The following MICU1 variants were observed in gnomAD, a reference collection of about 807,000 sequenced individuals.
The protein encoded by MICU1 is calcium uptake protein 1, mitochondrial.
Under a neutral mutation model 56.8 loss-of-function variants are expected in MICU1, and 45 were observed. That is an observed-to-expected ratio of 0.79 (90% confidence interval 0.62 to 1.02). The LOEUF (loss-of-function observed/expected upper bound fraction) is 1.02. Among genes scored for constraint, MICU1 ranks in the 50% least tolerant of loss-of-function variants. MICU1 has a pLI of 0.00. For missense variants in MICU1, 504 were observed against 587.1 expected, an observed-to-expected ratio of 0.86 and a Z score of 1.46; for synonymous variants, 186 against 195.1, an observed-to-expected ratio of 0.95 and a Z score of 0.39.
Position 72,569,206 on chromosome 10 carries a change from C to CATAT in MICU1, c.-1-2416_-1-2413dup, listed in dbSNP as rs1211580394. ...ATACATTTCTAAAATCATATATATGCATATATATATATATATATATATATA... is the reference window on the plus strand; with the variant it reads ...ATACATTTCTAAAATCATATATATGCATATATATATATATATATATATATATATA... On this transcript the variant is annotated intron_variant, in intron 1 of 11. Transcript: ENST00000361114. 1.7e-3 allele frequency among the ~76,000 whole-genome samples: 118 copies of CATAT among 68,026 alleles called. 4 individuals are homozygous for CATAT. The highest frequency in any genetic ancestry group is 0.015 in the East Asian group (39 of 2,522). 44.6% of individuals were successfully genotyped at this position (68,026 alleles called of 152,430 possible). A position where few individuals can be genotyped will look rare whatever the true frequency, so the allele number is the denominator to read the frequency against.
chr10:72,390,765 G>A (rs995821016), intron 10 of MICU1, among the ~76,000 whole-genome samples: 1 of 148,438 alleles, frequency 6.7e-6, no homozygotes, highest in African/African-American at 2.4e-5. Context: ...CCAACCACTG[G>A]TATAAATTAG....
intron 8 of MICU1, among the ~76,000 whole-genome samples, chr10:72,452,981 G>A (rs925513145): frequency 5.3e-5 from 8 of 152,138 alleles, no homozygotes. Context: ...CTGGAAGGAT[G>A]TGTGTCCCAT....
chr10:72,569,237 A>ATATATATTTT, intron 1 of MICU1, among the ~76,000 whole-genome samples: 14 of 34,374 alleles, frequency 4.1e-4, no homozygotes, highest in Non-Finnish European at 6.6e-4. Context: ...ATATATATAT[A>ATATATATTTT]TTTTTTTTTT....
intron 5 of MICU1, among the ~76,000 whole-genome samples, chr10:72,515,174 T>C (rs1362864183): frequency 6.6e-6 from 1 of 152,206 alleles, no homozygotes; most frequent in African/African-American, 2.4e-5. Flanking sequence ...GCCATTGCAC[T>C]GGGGACTTGG....
chr10:72,500,286 A>T (rs866261053), intron 6 of MICU1, among the ~76,000 whole-genome samples: 14 of 8,684 alleles, frequency 1.6e-3, no homozygotes, highest in African/African-American at 2.4e-3. Flanking sequence ...ATATATATAT[A>T]TATATATATA....
chr10:72,562,198 G>GGCTGAAGT (rs1749463671), intron 3 of MICU1, among the ~76,000 whole-genome samples: 1 of 124,080 alleles, frequency 8.1e-6, no homozygotes, highest in African/African-American at 3.3e-5. Flanking sequence ...TTGCCGCCCA[G>GGCTGAAGT]GCTGAAGTGC....
chr10:72,477,482 C>A, intron 6 of MICU1: 1 of 1,515,614 alleles, frequency 6.6e-7, no homozygotes. Flanking sequence ...GTAAAGACAG[C>A]ACTTGTCTAC....
intron 1 of MICU1, among the ~76,000 whole-genome samples, chr10:72,576,766 G>A (rs1840758116): frequency 6.6e-6 from 1 of 152,222 alleles, no homozygotes; most frequent in African/African-American, 2.4e-5. Flanking sequence ...GTCAATGCCT[G>A]ACTTCAAAGC....
At chr10:72,463,126 C>T (rs574276288) in intron 8 of MICU1, among the ~76,000 whole-genome samples, 3 of 151,934 alleles carry the variant, frequency 2.0e-5, no homozygotes, top group South Asian at 2.1e-4. Flanking sequence ...TGCAATGGCA[C>T]GATCTCGGCT....
chr10:72,539,558 T>C (rs985127071), intron 4 of MICU1, among the ~76,000 whole-genome samples: 9 of 152,078 alleles, frequency 5.9e-5, no homozygotes, highest in African/African-American at 1.7e-4. Context: ...GGAAACGCAA[T>C]ATGTTTTTGC....
rs1564858942 is a variant in MICU1, at chr10:72,423,387, A to T, written c.934-16T>A. The T allele has an allele frequency of 6.2e-7, 1 of 1,612,874 alleles. No homozygotes were observed. On this transcript the variant is annotated splice_polypyrimidine_tract_variant and intron_variant, in intron 8 of 11. Transcript: ENST00000361114. ...GGCGTTCAAACTGGGAGGGAAACAG[A>T]AAGAATGTTCCTAGGGTCAATGGAA...
rs530670883 is a variant in MICU1, at chr10:72,558,218, T to G, written c.330+4677A>C. Among the ~76,000 whole-genome samples the G allele has an allele frequency of 7.2e-5, 11 of 152,348 alleles. 1 individual carries two copies. In the South Asian group the frequency reaches 2.3e-3, roughly 32 times the overall value. ...AGTGGGATTTCAATAAACTTAGAAT[T>G]TTCTGGTTTTTGAGCCTGTGCTCTA... is the stretch of plus-strand genomic sequence containing the variant. On this transcript the variant is annotated intron_variant, in intron 3 of 11. Coordinates refer to ENST00000361114, the MANE Select transcript of MICU1 (RefSeq NM_001195518.2).
At chr10:72,447,646 A>T (rs1865145999) in intron 8 of MICU1, among the ~76,000 whole-genome samples, 1 of 152,144 alleles carries the variant, frequency 6.6e-6, no homozygotes, top group Non-Finnish European at 1.5e-5. Flanking sequence ...CAATATACGA[A>T]AAAATCATTG....
intron 6 of MICU1, among the ~76,000 whole-genome samples, chr10:72,481,219 G>A (rs1366604640): frequency 1.3e-5 from 2 of 152,156 alleles, no homozygotes; most frequent in Non-Finnish European, 2.9e-5. Context: ...TGCTTTAAGT[G>A]AAACATGCTA....
chr10:72,477,433 A>C (rs1866158180), intron 6 of MICU1, 177 bp from the exon 7 acceptor site: 19 of 1,364,038 alleles, frequency 1.4e-5, no homozygotes, highest in Non-Finnish European at 1.9e-5. Flanking sequence ...CCCTTTTAGG[A>C]ATACTCCTTG....
chr10:72,456,115 G>A (rs779208362), intron 8 of MICU1, among the ~76,000 whole-genome samples: 12 of 152,158 alleles, frequency 7.9e-5, no homozygotes, highest in Non-Finnish European at 1.2e-4. Context: ...GAACAGCACC[G>A]GTGGGTTGAG....
At chr10:72,408,361 C>A (rs371819597) in intron 9 of MICU1, among the ~76,000 whole-genome samples, 1 of 151,980 alleles carries the variant, frequency 6.6e-6, no homozygotes, top group Non-Finnish European at 1.5e-5. Context: ...CAAGCTGGAG[C>A]GTAATGGCAT....
At chr10:72,477,509 G>A (rs1866161055) in intron 6 of MICU1, 1 of 1,535,410 alleles carries the variant, frequency 6.5e-7, no homozygotes, top group South Asian at 1.2e-5. Context: ...GTTTCAACAT[G>A]CTTTGCCTTA....
intron 4 of MICU1, among the ~76,000 whole-genome samples, chr10:72,536,537 G>T (rs1238390146): frequency 6.6e-6 from 1 of 151,508 alleles, no homozygotes; most frequent in Admixed American, 6.6e-5. Context: ...ATTTTTAGTA[G>T]AGACAGGGTT....
Sources: allele counts gnomAD v4.1 joint callset (sites outside exome capture counted in the v4.1 genomes callset), GRCh38; gene constraint gnomAD v4.1.1; transcripts MANE v1.5; gene names NCBI Gene and HGNC (gene_info 2026-07-23, HGNC 2026-07-21).